The following MIGA1 variants were observed in gnomAD, a reference collection of about 807,000 sequenced individuals.
MIGA1 encodes family with sequence similarity 73, member A.
In MIGA1, 58 loss-of-function variants were observed where a neutral mutation model predicts 82.0. The ratio of observed to expected loss-of-function variants is 0.71; its 90% confidence interval spans 0.57 to 0.88. MIGA1 has a LOEUF of 0.88. Ranked by LOEUF, MIGA1 falls within the 40% of genes least tolerant of loss-of-function variation. The pLI, the probability that MIGA1 is intolerant of heterozygous loss-of-function variation, is 0.00. For synonymous variants in MIGA1, 249 were observed against 253.6 expected (o/e 0.98, Z 0.17); for missense variants, 751 against 749.1 (o/e 1.00, Z -0.03).
chr1:77,836,355 A>G (rs1264326927), intron 7 of MIGA1, among the ~76,000 whole-genome samples: 1 of 152,188 alleles, frequency 6.6e-6, no homozygotes, highest in Non-Finnish European at 1.5e-5. Context: ...CGCTTTTGCT[A>G]TACTGCCTTA....
At chr1:77,811,803 C>G in intron 5 of MIGA1, 1 of 1,531,030 alleles carries the variant, frequency 6.5e-7, no homozygotes, top group Non-Finnish European at 8.8e-7. Flanking sequence ...ACCCCGTCCC[C>G]TCCCGCCCCT....
chr1:77,852,095 G>C (rs1479428979), intron 8 of MIGA1, among the ~76,000 whole-genome samples: 1 of 151,964 alleles, frequency 6.6e-6, no homozygotes, highest in Non-Finnish European at 1.5e-5. Flanking sequence ...ATCATGGCCA[G>C]GCTGGTCTCG....
Position 77,847,930 on chromosome 1 carries a change from C to T in MIGA1, c.996+4523C>T, listed in dbSNP as rs1282222797. 2.2e-6 allele frequency: 3 copies of T among 1,394,854 alleles called. No individual in the cohort carries two copies. In the African/African-American group the frequency reaches 4.3e-5, roughly 20 times the overall value. The allele number at this position is 1,394,854 out of a possible 1,614,324, so 86.4% of individuals were successfully genotyped here. ...GATGAAATAAAGAAACTAGAGTGAA[C>T]TGCAGAAGGGAAAAGGTCGTAGAGA... On this transcript the variant is annotated intron_variant, in intron 8 of 15. Transcript: ENST00000370791.
chr1:77,859,961 T>G, intron 10 of MIGA1, 79 bp from the exon 11 acceptor site: 2 of 870,928 alleles, frequency 2.3e-6, no homozygotes, highest in Non-Finnish European at 3.7e-6. Context: ...TGTTTTAGGA[T>G]TATTTGTGCT....
At chr1:77,815,627 A>G (rs1683543303) in intron 7 of MIGA1, among the ~76,000 whole-genome samples, 1 of 152,254 alleles carries the variant, frequency 6.6e-6, no homozygotes, top group South Asian at 2.1e-4. Flanking sequence ...CTTTAATCGC[A>G]GGATAGCTGT....
intron 5 of MIGA1, chr1:77,811,040 G>A (rs1274002840): frequency 9.9e-6 from 16 of 1,613,098 alleles, no homozygotes; most frequent in Non-Finnish European, 1.4e-5. Context: ...CTTTTTTTAG[G>A]CTTGTAGGGT....
chr1:77,838,376 G>A (rs1481466469), intron 7 of MIGA1, among the ~76,000 whole-genome samples: 2 of 151,520 alleles, frequency 1.3e-5, no homozygotes, highest in Non-Finnish European at 2.9e-5. Context: ...TTGAGACAGA[G>A]TCTCACTCTG....
chr1:77,849,650 T>C (rs2101906726), intron 8 of MIGA1, among the ~76,000 whole-genome samples: 1 of 152,276 alleles, frequency 6.6e-6, no homozygotes, highest in African/African-American at 2.4e-5. Context: ...CCAATAATAA[T>C]GTACAAAGTG....
At chr1:77,826,253 G>A (rs1570965856) in intron 7 of MIGA1, among the ~76,000 whole-genome samples, 1 of 152,040 alleles carries the variant, frequency 6.6e-6, no homozygotes, top group Non-Finnish European at 1.5e-5. Flanking sequence ...ATGAAACAAG[G>A]TAAGCCATGT....
chr1:77,793,941 C>A (rs937583694), intron 2 of MIGA1, among the ~76,000 whole-genome samples: 4 of 151,394 alleles, frequency 2.6e-5, no homozygotes, highest in African/African-American at 7.3e-5. Context: ...TGAGCACCAC[C>A]GCACCTGGCT....
intron 2 of MIGA1, among the ~76,000 whole-genome samples, chr1:77,794,826 C>T (rs1682585242): frequency 6.6e-6 from 1 of 152,134 alleles, no homozygotes. Context: ...CACACACACC[C>T]CTTGATCATT....
intron 1 of MIGA1, 91 bp downstream of exon 1, chr1:77,779,827 C>A (rs948644456): frequency 1.4e-6 from 2 of 1,446,704 alleles, no homozygotes; most frequent in Non-Finnish European, 9.1e-7. Context: ...GGCCTCGGGG[C>A]AGGGGTGGCG....
chr1:77,806,690 C>T (rs1249622626), intron 4 of MIGA1, among the ~76,000 whole-genome samples: 2 of 152,036 alleles, frequency 1.3e-5, no homozygotes, highest in African/African-American at 4.8e-5. Context: ...TAAGTGAATG[C>T]TTAAAAGAAT....
intron 8 of MIGA1, among the ~76,000 whole-genome samples, chr1:77,856,325 G>A (rs140206123): frequency 0.015 from 2,298 of 152,234 alleles, 51 homozygotes; most frequent in African/African-American, 0.052. Flanking sequence ...TAGCATCTAT[G>A]TTCATCAAGG....
intron 7 of MIGA1, among the ~76,000 whole-genome samples, chr1:77,827,045 G>A (rs769814121): frequency 1.3e-4 from 19 of 151,734 alleles, no homozygotes; most frequent in Non-Finnish European, 2.5e-4. Flanking sequence ...GACCTCAGGT[G>A]ATCCACTCAG....
intron 5 of MIGA1, among the ~76,000 whole-genome samples, chr1:77,809,734 TG>T (rs1683243624): frequency 6.7e-6 from 1 of 150,174 alleles, no homozygotes; most frequent in South Asian, 2.1e-4. Flanking sequence ...GTGATATAAT[TG>T]GTTTTTATGT....
chr1:77,809,744 G>A (rs1422402169), intron 5 of MIGA1, among the ~76,000 whole-genome samples: 1 of 138,912 alleles, frequency 7.2e-6, no homozygotes, highest in Non-Finnish European at 1.5e-5. Context: ...TGGTTTTTAT[G>A]TGCATAAATG....
At chr1:77,815,494 CTAGTT>C (rs1357123044) in intron 7 of MIGA1, among the ~76,000 whole-genome samples, 1 of 151,920 alleles carries the variant, frequency 6.6e-6, no homozygotes, top group East Asian at 1.9e-4. Flanking sequence ...GTGAAAAAAT[CTAGTT>C]AAGAGTGTTG....
intron 2 of MIGA1, among the ~76,000 whole-genome samples, chr1:77,791,962 T>G (rs1682445773): frequency 6.6e-6 from 1 of 152,326 alleles, no homozygotes; most frequent in East Asian, 1.9e-4. Flanking sequence ...TCCCATATTC[T>G]CACCAGCATT....
Sources: allele counts gnomAD v4.1 joint callset (sites outside exome capture counted in the v4.1 genomes callset), GRCh38; gene constraint gnomAD v4.1.1; transcripts MANE v1.5; gene names NCBI Gene and HGNC (gene_info 2026-07-23, HGNC 2026-07-21).